Variants in PTAR1 observed in about 807,000 individuals in gnomAD.
PTAR1 encodes the protein protein prenyltransferase alpha subunit repeat-containing protein 1.
A neutral mutation model predicts 45.5 loss-of-function variants in PTAR1; 17 were observed. The ratio of observed to expected loss-of-function variants is 0.37; its 90% CI spans 0.26 to 0.56. The LOEUF is 0.56. Among genes scored for constraint, PTAR1 ranks in the 20% least tolerant of loss-of-function variants. The probability of loss-of-function intolerance (pLI) is 0.77; values close to 1 mark genes in which losing one functional copy is unlikely to be tolerated. For synonymous variants in PTAR1, 169 were observed against 171.3 expected (o/e 0.99, Z 0.11); for missense variants, 391 against 476.3 (o/e 0.82, Z 1.67).
chr9:69,740,184 T>C (rs11140074), intron 3 of PTAR1, among the ~76,000 whole-genome samples: 62,227 of 151,994 alleles, frequency 0.41, 13,062 homozygotes, highest in East Asian at 0.48. Flanking sequence ...CATGTGTGTA[T>C]ACATATATGT....
chr9:69,742,105 G>A (rs532360911), intron 2 of PTAR1, among the ~76,000 whole-genome samples: 8 of 152,122 alleles, frequency 5.3e-5, no homozygotes, highest in African/African-American at 1.9e-4. Flanking sequence ...TGCCTATAAG[G>A]AATAATCTAA....
At chr9:69,756,980 T>C (rs1302883774) in intron 1 of PTAR1, 1 of 152,232 alleles carries the variant, frequency 6.6e-6, no homozygotes, top group Non-Finnish European at 1.5e-5. Context: ...CAATAGCTAC[T>C]ATGGCTAGTG....
chr9:69,720,256 T>C (rs1824933911), intron 6 of PTAR1, among the ~76,000 whole-genome samples: 1 of 152,220 alleles, frequency 6.6e-6, no homozygotes, highest in Non-Finnish European at 1.5e-5. Context: ...AACACACAAA[T>C]GATAAGCGAA....
chr9:69,740,224 T>C (rs1363944277), intron 3 of PTAR1, among the ~76,000 whole-genome samples: 1 of 152,098 alleles, frequency 6.6e-6, no homozygotes, highest in Non-Finnish European at 1.5e-5. Flanking sequence ...TGTATGTATG[T>C]AGGTATATAC....
intron 4 of PTAR1, 114 bp from the exon 5 acceptor site, chr9:69,732,466 T>C: frequency 1.4e-6 from 1 of 725,332 alleles, no homozygotes. Flanking sequence ...TGCAAAATAA[T>C]ACCTGTTTAT....
chr9:69,725,360 C>T (rs767771731), intron 5 of PTAR1, among the ~76,000 whole-genome samples: 10 of 151,958 alleles, frequency 6.6e-5, no homozygotes, highest in African/African-American at 9.7e-5. Flanking sequence ...GAGGCTGGGG[C>T]GGACGGATCA....
In PTAR1 at chr9:69,725,538, C is replaced by T. The variant is rs138330441; in HGVS notation, c.643-1908G>A. ...CTGGGAGGTATAGGTTGCAGTGAGC[C>T]GAGATTGCTCCACTATACTCCAGCC... On this transcript the variant is annotated intron_variant, in intron 5 of 7. Coordinates refer to ENST00000340434, the MANE Select transcript of PTAR1 (RefSeq NM_001099666.2). Among the ~76,000 whole-genome samples, 342 of 151,276 alleles carry T rather than the reference C, an allele frequency of 2.3e-3. 4 individuals carry two copies. In the East Asian group the frequency reaches 0.034, roughly 15 times the overall value.
intron 1 of PTAR1, among the ~76,000 whole-genome samples, chr9:69,756,150 T>C (rs1826765731): frequency 6.6e-6 from 1 of 152,206 alleles, no homozygotes; most frequent in Non-Finnish European, 1.5e-5. Context: ...TCAGTTCACC[T>C]TGCAGACGAT....
At chr9:69,721,262 T>C (rs1441620504) in intron 6 of PTAR1, among the ~76,000 whole-genome samples, 7 of 152,136 alleles carry the variant, frequency 4.6e-5, no homozygotes. Flanking sequence ...AAGACTTCAG[T>C]GTAGTAAGTC....
Position 69,718,320 on chromosome 9 carries a change from T to C in PTAR1, c.*22A>G, listed in dbSNP as rs755388721. On this transcript the variant is annotated 3_prime_UTR_variant, in exon 8 of 8. Coordinates refer to ENST00000340434, the MANE Select transcript of PTAR1 (RefSeq NM_001099666.2). Reference sequence around the variant, plus strand: ...GCAATATTGCACTAAAAGGGGAACCTTGTAGGACTAATTCACCTCTTTCAT... The same window carrying C: ...GCAATATTGCACTAAAAGGGGAACCCTGTAGGACTAATTCACCTCTTTCAT... 4.5e-6 allele frequency: 7 copies of C among 1,543,002 alleles called. No individual in the cohort carries two copies. The highest frequency in any genetic ancestry group is 5.3e-6 in the Non-Finnish European group (6 of 1,133,436).
intron 1 of PTAR1, among the ~76,000 whole-genome samples, chr9:69,759,507 T>C (rs1278298248): frequency 7.2e-5 from 11 of 152,124 alleles, no homozygotes; most frequent in Non-Finnish European, 4.4e-5. Context: ...CCCACATCGT[T>C]GTGTGCGCCC....
chr9:69,732,476 T>A, intron 4 of PTAR1, 124 bp from the exon 5 acceptor site: 2 of 689,704 alleles, frequency 2.9e-6, no homozygotes, highest in South Asian at 3.8e-5. Flanking sequence ...TACCTGTTTA[T>A]AAGTCTAGTA....
At chr9:69,754,486 G>A (rs1232319922) in intron 1 of PTAR1, among the ~76,000 whole-genome samples, 1 of 144,578 alleles carries the variant, frequency 6.9e-6, no homozygotes, top group Non-Finnish European at 1.5e-5. Context: ...AACCCTAAAA[G>A]TCACTTGTAA....
intron 2 of PTAR1, among the ~76,000 whole-genome samples, chr9:69,745,395 C>T (rs1307732390): frequency 6.6e-6 from 1 of 152,128 alleles, no homozygotes. Context: ...TTGGAATCTC[C>T]CTTTCTACAT....
intron 5 of PTAR1, among the ~76,000 whole-genome samples, chr9:69,727,300 A>C (rs897848238): frequency 2.0e-5 from 3 of 152,096 alleles, no homozygotes; most frequent in African/African-American, 7.2e-5. Flanking sequence ...GTACCCTTTA[A>C]CCAGCAACTC....
chr9:69,759,675 G>T (rs937860189), intron 1 of PTAR1, among the ~76,000 whole-genome samples, 178 bp downstream of exon 1: 6 of 152,184 alleles, frequency 3.9e-5, no homozygotes, highest in Non-Finnish European at 7.4e-5. Context: ...CCCGGTAGCG[G>T]AAAGCCGGGC....
rs1262330743 is a variant in PTAR1, at chr9:69,723,600, G to A, written c.673C>T (p.His225Tyr). The A allele has an allele frequency of 1.9e-6, 3 of 1,613,154 alleles. No homozygotes were observed. The part of the protein sequence containing the change: ...ILLDELSSTK[H>Y]WASMHVSDHS... ...TCTGAAACGTGCATAGATGCCCAATGTTTAGTAGAAGATAGTTCATCAAGA... is the reference window on the plus strand; with the variant it reads ...TCTGAAACGTGCATAGATGCCCAATATTTAGTAGAAGATAGTTCATCAAGA... Residue 225 changes from histidine (H) to tyrosine (Y), a missense_variant, in exon 6 of 8, where the codon CAT (histidine) becomes TAT (tyrosine). Coordinates refer to ENST00000340434, the MANE Select transcript of PTAR1 (RefSeq NM_001099666.2).
chr9:69,729,125 G>A (rs944496557), intron 5 of PTAR1, among the ~76,000 whole-genome samples: 4 of 152,018 alleles, frequency 2.6e-5, no homozygotes, highest in Non-Finnish European at 5.9e-5. Context: ...TTCAAGACCA[G>A]CCTGACCAAC....
chr9:69,743,366 T>C (rs537465578), intron 2 of PTAR1, among the ~76,000 whole-genome samples: 5 of 152,332 alleles, frequency 3.3e-5, no homozygotes, highest in African/African-American at 1.2e-4. Flanking sequence ...AAATATAAAC[T>C]TTTTAATATC....
Sources: allele counts gnomAD v4.1 joint callset (sites outside exome capture counted in the v4.1 genomes callset), GRCh38; gene constraint gnomAD v4.1.1; transcripts MANE v1.5; gene names NCBI Gene and HGNC (gene_info 2026-07-23, HGNC 2026-07-21).